The following CSTF3 variants were observed in gnomAD, a reference collection of about 807,000 sequenced individuals.
The protein encoded by CSTF3 is CF-1 77 kDa subunit.
Under a neutral mutation model 105.8 loss-of-function variants are expected in CSTF3, and 29 were observed. That is an observed-to-expected ratio of 0.27 (90% confidence interval 0.20 to 0.37). CSTF3 has a LOEUF of 0.37. Ranked by LOEUF, CSTF3 falls within the 10% of genes least tolerant of loss-of-function variation. CSTF3 has a pLI of 1.00. For synonymous variants in CSTF3, 252 were observed against 281.9 expected (o/e 0.89, Z 1.06); for missense variants, 357 against 879.3 (o/e 0.41, Z 7.51).
intron 3 of CSTF3, chr11:33,134,611 A>G (rs1362837149): frequency 6.6e-6 from 1 of 152,184 alleles, no homozygotes; most frequent in Non-Finnish European, 1.5e-5. Flanking sequence ...TGTAATTCTA[A>G]ATATCATTAG....
intron 10 of CSTF3, 69 bp downstream of exon 10, chr11:33,102,108 T>G: frequency 7.7e-7 from 1 of 1,298,776 alleles, no homozygotes; most frequent in South Asian, 1.5e-5. Flanking sequence ...AAAATTTTAG[T>G]AACCTATGGG....
chr11:33,121,754 G>T (rs977149487), intron 3 of CSTF3, among the ~76,000 whole-genome samples: 4 of 152,118 alleles, frequency 2.6e-5, no homozygotes, highest in African/African-American at 9.6e-5. Flanking sequence ...ACTTTCACCA[G>T]CAAATGAAGT....
intron 1 of CSTF3, among the ~76,000 whole-genome samples, chr11:33,142,225 A>G (rs1280165523): frequency 6.6e-6 from 1 of 152,162 alleles, no homozygotes; most frequent in Non-Finnish European, 1.5e-5. Flanking sequence ...AGAGAAAAAA[A>G]AAAGACAGCA....
chr11:33,108,960 G>C (rs1048600518), intron 3 of CSTF3, among the ~76,000 whole-genome samples: 3 of 152,176 alleles, frequency 2.0e-5, no homozygotes, highest in Non-Finnish European at 4.4e-5. Context: ...AGACAACGAA[G>C]TGGAAGGTCA....
chr11:33,108,331 A>G, intron 4 of CSTF3, 55 bp downstream of exon 4: 3 of 1,360,374 alleles, frequency 2.2e-6, no homozygotes, highest in East Asian at 5.4e-5. Context: ...TGTCTTATAC[A>G]TACTAGGTTT....
chr11:33,152,226 C>T (rs1399855724), intron 1 of CSTF3, among the ~76,000 whole-genome samples: 3 of 152,116 alleles, frequency 2.0e-5, no homozygotes, highest in Non-Finnish European at 4.4e-5. Flanking sequence ...TGCCGCTGCA[C>T]TCCAGCCTGG....
chr11:33,149,046 G>A (rs1156550283), intron 1 of CSTF3, among the ~76,000 whole-genome samples: 1 of 151,804 alleles, frequency 6.6e-6, no homozygotes, highest in African/African-American at 2.4e-5. Context: ...AAGCTTTAGG[G>A]GCCAATTCAC....
intron 3 of CSTF3, among the ~76,000 whole-genome samples, chr11:33,139,429 CTTA>C (rs1855686904): frequency 6.6e-6 from 1 of 151,864 alleles, no homozygotes; most frequent in South Asian, 2.1e-4. Context: ...TAAAAACATT[CTTA>C]TTATCACTTC....
At chr11:33,094,531 G>A (rs1018099974) in intron 15 of CSTF3, among the ~76,000 whole-genome samples, 3 of 152,084 alleles carry the variant, frequency 2.0e-5, no homozygotes, top group Non-Finnish European at 2.9e-5. Flanking sequence ...GAAGACAATA[G>A]TGCTAACACC....
Position 33,107,983 on chromosome 11 carries a change from A to G in CSTF3, c.276T>C (p.Leu92=), listed in dbSNP as rs767740906. 1 of 1,606,302 alleles carries G rather than the reference A, an allele frequency of 6.2e-7. No individual in the cohort carries two copies. The highest frequency in any genetic ancestry group is 1.3e-5 in the African/African-American group (1 of 74,780). Residue 92 remains leucine, a synonymous_variant, in exon 5 of 21, where the codon CTT becomes CTC. Transcript: ENST00000323959. ...DKVEKLFQRC[L]MKVLHIDLWK... ...ATAAATCAATGTGCAAAACCTTCAT[A>G]AGGCATCTCTGAAATAGCTTTAAAT...
chr11:33,135,956 T>C (rs1855648990), intron 3 of CSTF3, among the ~76,000 whole-genome samples: 1 of 152,132 alleles, frequency 6.6e-6, no homozygotes, highest in Admixed American at 6.5e-5. Flanking sequence ...GGGATCTTGT[T>C]ATCTTTGACC....
rs769229804 is a variant in CSTF3, at chr11:33,085,273, C to T, written c.1968G>A (p.Val656=). The change falls in exon 21 of 21, where the codon GTG becomes GTA. Residue 656 remains valine (V), a synonymous_variant. Transcript: ENST00000323959. ...CKIPNTVEEA[V]RIITGGAPEL... ...CTGGGGCCCCACCAGTAATGATCCT[C>T]ACAGCTTCCTCAACAGCTATTAAAA... 6.5e-6 allele frequency: 10 copies of T among 1,548,666 alleles called. No individual in the cohort carries two copies. The East Asian group carries it at 1.4e-4, about 21-fold the overall frequency.
chr11:33,100,920 G>A (rs1855274909), intron 10 of CSTF3, among the ~76,000 whole-genome samples: 1 of 152,162 alleles, frequency 6.6e-6, no homozygotes, highest in South Asian at 2.1e-4. Flanking sequence ...TAAGAGTCTG[G>A]CACTGACAGA....
chr11:33,124,349 A>G (rs1007551057), intron 3 of CSTF3, among the ~76,000 whole-genome samples: 3 of 152,076 alleles, frequency 2.0e-5, no homozygotes, highest in African/African-American at 4.8e-5. Flanking sequence ...CTAATTTCCA[A>G]CCAAGTCAAA....
chr11:33,148,691 T>C (rs1348211403), intron 1 of CSTF3, among the ~76,000 whole-genome samples: 1 of 137,040 alleles, frequency 7.3e-6, no homozygotes, highest in Admixed American at 7.5e-5. Flanking sequence ...GGAGACTCCA[T>C]CTCAAAAAAA....
chr11:33,099,249 C>T lies in CSTF3; in HGVS notation c.937-99G>A, dbSNP rs961944593. Reference sequence around the variant, plus strand: ...CATCTACTTTATTTTATTTATGTGTCTAAGAAAGCATACATGTATGTACAC... The same window carrying T: ...CATCTACTTTATTTTATTTATGTGTTTAAGAAAGCATACATGTATGTACAC... On this transcript the variant is annotated intron_variant, in intron 11 of 20. Transcript: ENST00000323959. The surrounding 1 kb of genome is among the most constrained non-coding windows in gnomAD (Gnocchi z 4.1). The T allele has an allele frequency of 2.6e-5, 36 of 1,390,860 alleles. No individual in the cohort carries two copies. Among genetic ancestry groups the T allele is most frequent in the African/African-American group, 2.1e-4 (14 of 67,106 alleles). The allele number at this position is 1,390,860 out of a possible 1,614,324, so 86.2% of individuals were successfully genotyped here. A position where few individuals can be genotyped will look rare whatever the true frequency, so the allele number is the denominator to read the frequency against.
At chr11:33,107,105 C>T (rs1855334697) in intron 5 of CSTF3, among the ~76,000 whole-genome samples, 1 of 151,662 alleles carries the variant, frequency 6.6e-6, no homozygotes, top group Admixed American at 6.6e-5. Context: ...TGCTTGAGAC[C>T]CTGCTACGTT....
At chr11:33,139,282 CT>C (rs1590282265) in intron 3 of CSTF3, among the ~76,000 whole-genome samples, 1 of 151,776 alleles carries the variant, frequency 6.6e-6, no homozygotes, top group African/African-American at 2.4e-5. Context: ...CACAAGTTGG[CT>C]TAGCAGAATA....
At chr11:33,147,654 A>C (rs1220343756) in intron 1 of CSTF3, among the ~76,000 whole-genome samples, 1 of 152,166 alleles carries the variant, frequency 6.6e-6, no homozygotes, top group African/African-American at 2.4e-5. Context: ...CGATTAACTA[A>C]GAAATAAAAC....
Sources: gnomAD v4.1 joint callset for allele counts (sites outside exome capture counted in the v4.1 genomes callset) on GRCh38, gnomAD v4.1.1 for gene constraint, Gnocchi (gnomAD v3.1) non-coding constraint, MANE v1.5 for transcripts, NCBI Gene and HGNC (gene_info 2026-07-23, HGNC 2026-07-21) for gene names.